The following GNB1 variants were observed in gnomAD, a reference collection of about 807,000 sequenced individuals.
The protein encoded by GNB1 is G protein subunit beta 1, also known as guanine nucleotide-binding protein G(I)/G(S)/G(T) subunit beta-1.
GNB1 carries 2 observed loss-of-function variants against 42.9 expected under a neutral mutation model. The observed-to-expected ratio is 0.05, with a 90% CI of 0.02 to 0.15. GNB1 has a LOEUF of 0.15. Among genes scored for constraint, GNB1 ranks in the 10% least tolerant of loss-of-function variants. GNB1 has a pLI of 1.00. For synonymous variants in GNB1, 183 were observed against 174.7 expected, an observed-to-expected ratio of 1.05 and a Z score of -0.38; for missense variants, 193 against 462.2, an observed-to-expected ratio of 0.42 and a Z score of 5.34.
At position 1,890,842 on chromosome 1, in the gene GNB1, G is replaced by C. The variant is rs1650467271; in HGVS notation, c.-118C>G. ...CACCTCAGCGCCCTCGTCGCGGCCTGACGCGCCCACACCGCCGCCTCGGCC... is the reference window on the plus strand; with the variant it reads ...CACCTCAGCGCCCTCGTCGCGGCCTCACGCGCCCACACCGCCGCCTCGGCC... On this transcript the variant is annotated 5_prime_UTR_variant, in exon 1 of 12. Coordinates refer to ENST00000378609, the MANE Select transcript of GNB1 (RefSeq NM_002074.5). The C allele has an allele frequency of 6.8e-6, 1 of 147,688 alleles. No homozygotes were observed. Among genetic ancestry groups the C allele is most frequent in the Non-Finnish European group, 1.5e-5 (1 of 66,350 alleles). 9.1% of individuals were successfully genotyped at this position (147,688 alleles called of 1,614,324 possible).
At chr1:1,844,228 A>T (rs936272816) in intron 1 of GNB1, among the ~76,000 whole-genome samples, 1 of 151,360 alleles carries the variant, frequency 6.6e-6, no homozygotes, top group South Asian at 2.1e-4. Context: ...AAATAAATTT[A>T]AAAAATAAAA....
chr1:1,859,280 C>T (rs1012695024), intron 1 of GNB1, among the ~76,000 whole-genome samples: 1 of 152,118 alleles, frequency 6.6e-6, no homozygotes, highest in African/African-American at 2.4e-5. Flanking sequence ...CCTGAGCCTC[C>T]GAAAGTGCTG....
intron 2 of GNB1, among the ~76,000 whole-genome samples, chr1:1,834,331 T>A (rs1557913390): frequency 6.6e-6 from 1 of 152,178 alleles, no homozygotes; most frequent in African/African-American, 2.4e-5. Flanking sequence ...CGAAGCCTTA[T>A]TATTTCTCAT....
intron 1 of GNB1, among the ~76,000 whole-genome samples, chr1:1,852,493 G>A (rs1314382481): frequency 6.6e-6 from 1 of 151,940 alleles, no homozygotes; most frequent in Non-Finnish European, 1.5e-5. Flanking sequence ...GTCTCCCAAA[G>A]TGCTAGGATT....
rs138986928 is a variant in GNB1 at position 1,808,004 on chromosome 1, C to T, written c.204-1466G>A. Among the ~76,000 whole-genome samples the T allele has an allele frequency of 8.8e-3, 1,335 of 151,864 alleles. 35 individuals are homozygous for T. Among genetic ancestry groups the T allele is most frequent in the East Asian group, 0.066 (338 of 5,148 alleles). On this transcript the variant is annotated intron_variant, in intron 5 of 11. Coordinates refer to ENST00000378609, the MANE Select transcript of GNB1 (RefSeq NM_002074.5). Reference sequence around the variant, plus strand: ...GATTACAGGCGGGAGCCACCACGCCCGGCCTCTTTTTTTTGTTTTTGAGAT... The same window carrying T: ...GATTACAGGCGGGAGCCACCACGCCTGGCCTCTTTTTTTTGTTTTTGAGAT...
At chr1:1,850,208 A>G (rs1647906581) in intron 1 of GNB1, among the ~76,000 whole-genome samples, 1 of 150,686 alleles carries the variant, frequency 6.6e-6, no homozygotes, top group South Asian at 2.1e-4. Flanking sequence ...TTGGCTCACC[A>G]CAACCTCCGC....
Position 1,790,431 on chromosome 1 carries a change from G to T in GNB1, c.663C>A (p.Thr221=). The T allele has an allele frequency of 6.2e-7, 1 of 1,614,018 alleles. No homozygotes were observed. Among genetic ancestry groups the T allele is most frequent in the Non-Finnish European group, 8.5e-7 (1 of 1,179,906 alleles). The change falls in exon 9 of 12, where the codon ACC becomes ACA. Residue 221 remains threonine (T), a synonymous_variant. Transcript: ENST00000378609. This position sits in a 1 kb window ranked among gnomAD's most constrained non-coding sequence, Gnocchi z 5.4. ...TGATGTCAGACTCGTGGCCAGTGAA[G>T]GTCTGCCGGCACATGCCTTCTCGCA... The part of the protein sequence containing the change: ...WDVREGMCRQ[T]FTGHESDINA...
intron 5 of GNB1, among the ~76,000 whole-genome samples, chr1:1,812,361 A>T (rs1425302281): frequency 1.3e-5 from 2 of 150,966 alleles, no homozygotes; most frequent in Non-Finnish European, 1.5e-5. Flanking sequence ...AAGCTTGTGG[A>T]ACAAGGAGAT....
At chr1:1,874,253 G>A (rs536875182) in intron 1 of GNB1, among the ~76,000 whole-genome samples, 6 of 152,088 alleles carry the variant, frequency 3.9e-5, no homozygotes, top group African/African-American at 9.7e-5. Flanking sequence ...GGCAGATCAC[G>A]AGGCCAGGAA....
chr1:1,846,646 ACTC>A (rs1647684778), intron 1 of GNB1, among the ~76,000 whole-genome samples: 1 of 151,972 alleles, frequency 6.6e-6, no homozygotes, highest in Admixed American at 6.6e-5. Flanking sequence ...GAAACCTTGA[ACTC>A]CTAGGCACAG....
At chr1:1,854,533 C>A (rs893268779) in intron 1 of GNB1, among the ~76,000 whole-genome samples, 3 of 152,196 alleles carry the variant, frequency 2.0e-5, no homozygotes, top group African/African-American at 7.2e-5. Context: ...GCAGCAGATA[C>A]ACAGCAAGAG....
At chr1:1,878,979 C>A (rs1488075580) in intron 1 of GNB1, among the ~76,000 whole-genome samples, 5 of 152,220 alleles carry the variant, frequency 3.3e-5, no homozygotes, top group South Asian at 4.1e-4. Flanking sequence ...TGCTGAGAGT[C>A]TCCCAAAGTC....
At chr1:1,820,786 G>A (rs952169329) in intron 3 of GNB1, among the ~76,000 whole-genome samples, 6 of 152,124 alleles carry the variant, frequency 3.9e-5, no homozygotes, top group African/African-American at 1.4e-4. Flanking sequence ...CTGTTAAACC[G>A]AAGGAAAAAC....
intron 5 of GNB1, among the ~76,000 whole-genome samples, chr1:1,814,350 C>T (rs182369238): frequency 3.2e-4 from 49 of 152,248 alleles, no homozygotes; most frequent in African/African-American, 9.9e-4. Flanking sequence ...GGTGCTTCAA[C>T]GAGCATGTCA....
At chr1:1,862,124 A>G (rs1648665099) in intron 1 of GNB1, among the ~76,000 whole-genome samples, 1 of 152,198 alleles carries the variant, frequency 6.6e-6, no homozygotes, top group South Asian at 2.1e-4. Context: ...TGGGAGGCTA[A>G]GGCAGGACAA....
chr1:1,805,571 G>A (rs534329999), intron 6 of GNB1, among the ~76,000 whole-genome samples: 120 of 151,730 alleles, frequency 7.9e-4, no homozygotes, highest in African/African-American at 2.1e-3. Flanking sequence ...ATGGAGTTTC[G>A]CTCTTGTTGC....
chr1:1,859,741 G>A (rs1353123334), intron 1 of GNB1, among the ~76,000 whole-genome samples: 1 of 151,462 alleles, frequency 6.6e-6, no homozygotes, highest in Non-Finnish European at 1.5e-5. Context: ...GGGCGCGGTG[G>A]CTCACGCCTG....
At chr1:1,814,179 A>G (rs927328744) in intron 5 of GNB1, among the ~76,000 whole-genome samples, 14 of 152,182 alleles carry the variant, frequency 9.2e-5, no homozygotes, top group African/African-American at 3.4e-4. Context: ...GGGATACTAT[A>G]TAGAACAAAC....
chr1:1,790,508 T>C lies in GNB1; in HGVS notation c.586A>G (p.Thr196Ala), dbSNP rs757075718. 5.6e-6 allele frequency: 9 copies of C among 1,613,472 alleles called. No homozygotes were observed. The highest frequency in any genetic ancestry group is 2.7e-5 in the African/African-American group (2 of 75,028). Residue 196 changes from threonine (T) to alanine (A), a missense_variant, in exon 9 of 12, where the codon ACC becomes GCC. Transcript: ENST00000378609. This position sits in a 1 kb window ranked among gnomAD's most constrained non-coding sequence, Gnocchi z 5.4. ...CAAGCACCAGAGACGAACAGTCTGG[T>C]GTCAGGAGCAAGAGAAAGGCTCATG... ...DVMSLSLAPD[T>A]RLFVSGACDA...
Sources: allele counts gnomAD v4.1 joint callset (sites outside exome capture counted in the v4.1 genomes callset), GRCh38; gene constraint gnomAD v4.1.1; non-coding constraint Gnocchi (gnomAD v3.1); transcripts MANE v1.5; gene names NCBI Gene and HGNC (gene_info 2026-07-23, HGNC 2026-07-21).